Variants in CNTN4 observed in about 807,000 individuals in gnomAD.
CNTN4 encodes the protein contactin-4.
CNTN4 carries 77 observed loss-of-function variants against 122.5 expected under a neutral mutation model. The ratio of observed to expected loss-of-function variants is 0.63; its 90% CI spans 0.52 to 0.76. The LOEUF is 0.76. Ranked by LOEUF, CNTN4 falls within the 30% of genes least tolerant of loss-of-function variation. The probability of loss-of-function intolerance (pLI) is 0.00; values close to 1 mark genes in which losing one functional copy is unlikely to be tolerated. For synonymous variants in CNTN4, 512 were observed against 447.0 expected, an observed-to-expected ratio of 1.15 and a Z score of -1.83; for missense variants, 1,256 against 1,259.1, an observed-to-expected ratio of 1.00 and a Z score of 0.04.
intron 3 of CNTN4, among the ~76,000 whole-genome samples, chr3:2,512,747 A>G (rs188540940): frequency 0.015 from 2,297 of 152,316 alleles, 39 homozygotes; most frequent in Middle Eastern, 0.044. Context: ...ATACCTGAAA[A>G]GGGGAATTGA....
chr3:2,651,011 G>A (rs1474939201), intron 4 of CNTN4, among the ~76,000 whole-genome samples: 1 of 152,124 alleles, frequency 6.6e-6, no homozygotes, highest in Non-Finnish European at 1.5e-5. Context: ...CTGTTATAAA[G>A]GTTATAGACT....
At chr3:2,118,311 A>C (rs566284745) in intron 2 of CNTN4, among the ~76,000 whole-genome samples, 1 of 152,214 alleles carries the variant, frequency 6.6e-6, no homozygotes, top group Non-Finnish European at 1.5e-5. Flanking sequence ...GCTCTTAACC[A>C]ATTTGGAATC....
chr3:2,207,288 G>C (rs1367072017), intron 2 of CNTN4, among the ~76,000 whole-genome samples: 1 of 152,096 alleles, frequency 6.6e-6, no homozygotes, highest in Non-Finnish European at 1.5e-5. Flanking sequence ...GAAAGGAAGA[G>C]TCATACATCT....
At chr3:2,869,034 A>G (rs1425031541) in intron 8 of CNTN4, among the ~76,000 whole-genome samples, 1 of 152,184 alleles carries the variant, frequency 6.6e-6, no homozygotes, top group African/African-American at 2.4e-5. Flanking sequence ...ATGTTCAGAA[A>G]ACACGAAGAA....
chr3:2,983,576 G>C (rs1052839577), intron 13 of CNTN4, among the ~76,000 whole-genome samples: 1 of 152,152 alleles, frequency 6.6e-6, no homozygotes, highest in Non-Finnish European at 1.5e-5. Context: ...TTACATGTCA[G>C]GCATCGTTCT....
chr3:2,859,664 C>T (rs1417063230), intron 7 of CNTN4, among the ~76,000 whole-genome samples: 1 of 152,050 alleles, frequency 6.6e-6, no homozygotes, highest in Non-Finnish European at 1.5e-5. Context: ...ACAGGGAATG[C>T]AGAATTATAT....
chr3:2,909,208 G>T (rs774095916), intron 12 of CNTN4, among the ~76,000 whole-genome samples: 5 of 152,174 alleles, frequency 3.3e-5, no homozygotes, highest in Non-Finnish European at 7.3e-5. Context: ...CCCAACTGCA[G>T]TCATCCAGGC....
intron 2 of CNTN4, among the ~76,000 whole-genome samples, chr3:2,201,117 C>A (rs1387475724): frequency 6.6e-6 from 1 of 151,982 alleles, no homozygotes; most frequent in Non-Finnish European, 1.5e-5. Context: ...TTCTCCATTC[C>A]TTCTGTGTCA....
At chr3:2,681,015 A>T (rs542731975) in intron 4 of CNTN4, among the ~76,000 whole-genome samples, 1 of 152,242 alleles carries the variant, frequency 6.6e-6, no homozygotes, top group Non-Finnish European at 1.5e-5. Context: ...TGGCTAAAAT[A>T]CAAAATGTAT....
chr3:2,790,051 G>A (rs1041143024), intron 6 of CNTN4, among the ~76,000 whole-genome samples: 6 of 152,088 alleles, frequency 3.9e-5, no homozygotes, highest in Non-Finnish European at 8.8e-5. Flanking sequence ...CACATGCCAC[G>A]TTACACAATT....
chr3:2,983,622 G>C (rs75912825), intron 13 of CNTN4, among the ~76,000 whole-genome samples: 1 of 152,194 alleles, frequency 6.6e-6, no homozygotes, highest in African/African-American at 2.4e-5. Flanking sequence ...TCTATGAGAT[G>C]TATATAGTTA....
At chr3:2,943,733 C>T (rs1420090317) in intron 13 of CNTN4, among the ~76,000 whole-genome samples, 3 of 150,888 alleles carry the variant, frequency 2.0e-5, no homozygotes, top group Non-Finnish European at 2.9e-5. Flanking sequence ...AAGCAATTCA[C>T]CTGCCTTAGC....
chr3:2,502,960 G>A (rs73000032), intron 3 of CNTN4, among the ~76,000 whole-genome samples: 2,463 of 152,130 alleles, frequency 0.016, 30 homozygotes, highest in Middle Eastern at 0.027. Flanking sequence ...CTTGTGAACC[G>A]CAACACATAT....
At chr3:2,955,228 T>C (rs1039381158) in intron 13 of CNTN4, among the ~76,000 whole-genome samples, 34 of 152,282 alleles carry the variant, frequency 2.2e-4, no homozygotes, top group Admixed American at 1.6e-3. Flanking sequence ...CAAGATTAGA[T>C]GCAAAATCAG....
In CNTN4 at chr3:2,231,292, G is replaced by A. The variant is rs114859611; in HGVS notation, c.-144-107886G>A. On this transcript the variant is annotated intron_variant, in intron 2 of 24. Coordinates refer to ENST00000418658, the MANE Select transcript of CNTN4 (RefSeq NM_175607.3). ...AAGTAGGACAGCTTGGCTCTGAATA[G>A]CATGATAGTACAGTTGCCATGCTTA... is the stretch of plus-strand genomic sequence containing the variant. Among the ~76,000 whole-genome samples the A allele has an allele frequency of 4.3e-3, 650 of 152,292 alleles. 6 individuals are homozygous for A. Among genetic ancestry groups the A allele is most frequent in the African/African-American group, 0.015 (612 of 41,566 alleles).
intron 13 of CNTN4, among the ~76,000 whole-genome samples, chr3:2,928,131 G>T (rs2094490282): frequency 1.3e-5 from 2 of 152,204 alleles, no homozygotes; most frequent in Non-Finnish European, 2.9e-5. Context: ...TTCTTCAAGA[G>T]AAACTAGAAA....
At chr3:2,920,941 A>G (rs755154459) in intron 12 of CNTN4, among the ~76,000 whole-genome samples, 3 of 152,208 alleles carry the variant, frequency 2.0e-5, no homozygotes, top group Non-Finnish European at 4.4e-5. Flanking sequence ...TATTAGGAAC[A>G]CTAGAAGGGG....
chr3:2,489,173 A>G (rs1440176928), intron 3 of CNTN4, among the ~76,000 whole-genome samples: 1 of 152,226 alleles, frequency 6.6e-6, no homozygotes, highest in Non-Finnish European at 1.5e-5. Context: ...AACTTATGCC[A>G]GTCCTGAGAG....
intron 2 of CNTN4, among the ~76,000 whole-genome samples, chr3:2,207,352 G>A (rs886848329): frequency 4.6e-5 from 7 of 152,086 alleles, no homozygotes; most frequent in East Asian, 1.9e-4. Flanking sequence ...AAGGCATGTC[G>A]AAAGCTGAGA....
Sources: gnomAD v4.1 joint callset for allele counts (sites outside exome capture counted in the v4.1 genomes callset) on GRCh38, gnomAD v4.1.1 for gene constraint, MANE v1.5 for transcripts, NCBI Gene and HGNC (gene_info 2026-07-23, HGNC 2026-07-21) for gene names.